The following ZNF264 variants were observed in gnomAD, a reference collection of about 807,000 sequenced individuals.
ZNF264 encodes the protein zinc finger protein 264.
Under a neutral mutation model 11.2 loss-of-function variants are expected in ZNF264, and 11 were observed. The ratio of observed to expected loss-of-function variants is 0.98; its 90% confidence interval spans 0.62 to 1.63. The LOEUF (loss-of-function observed/expected upper bound fraction) is 1.63, where lower values mean the gene tolerates loss of function less well. ZNF264 is among the 40% of genes most tolerant of loss of function. The probability of loss-of-function intolerance (pLI) is 0.00; values close to 1 mark genes in which losing one functional copy is unlikely to be tolerated. For missense variants in ZNF264, 752 were observed against 768.1 expected, an observed-to-expected ratio of 0.98 and a Z score of 0.25; for synonymous variants, 309 against 279.8, an observed-to-expected ratio of 1.10 and a Z score of -1.04.
chr19:57,200,556 G>GTGTCT (rs71898528), intron 2 of ZNF264, among the ~76,000 whole-genome samples: 3,244 of 147,396 alleles, frequency 0.022, 70 homozygotes, highest in East Asian at 0.039. Context: ...CTTGTGTCTT[G>GTGTCT]TGTCTTGTCT....
At chr19:57,199,084 C>T (rs2122740823) in intron 2 of ZNF264, among the ~76,000 whole-genome samples, 1 of 152,110 alleles carries the variant, frequency 6.6e-6, no homozygotes, top group South Asian at 2.1e-4. Flanking sequence ...CAGAGATCTA[C>T]ATGAGTCAGA....
At chr19:57,192,256 G>A (rs952827724) in intron 1 of ZNF264, 2 of 823,990 alleles carry the variant, frequency 2.4e-6, no homozygotes, top group African/African-American at 1.9e-5. Context: ...GGAAGGGGAG[G>A]GCAGGGCAGT....
chr19:57,219,549 ACTTC>A lies in ZNF264; in HGVS notation c.*6572_*6575del, dbSNP rs909752095. 5 of 152,098 alleles carry A rather than the reference ACTTC, an allele frequency of 3.3e-5. No homozygotes were observed. The highest frequency in any genetic ancestry group is 1.2e-4 in the African/African-American group (5 of 41,378). The allele number at this position is 152,098 out of a possible 1,614,324, so 9.4% of individuals were successfully genotyped here. ...GAGGGCTTCCATCATTTGTCCTCTT[ACTTC>A]CTTGTTAGAACTTTGTGCTGCTGAC... On this transcript the variant is annotated 3_prime_UTR_variant, in exon 4 of 4. Coordinates refer to ENST00000263095, the MANE Select transcript of ZNF264 (RefSeq NM_003417.5).
intron 2 of ZNF264, among the ~76,000 whole-genome samples, chr19:57,196,474 G>C (rs1599945475): frequency 6.6e-6 from 1 of 151,964 alleles, no homozygotes; most frequent in African/African-American, 2.4e-5. Flanking sequence ...TGAGGGCTCA[G>C]TGTTGGTCTC....
rs2087348255 is a variant in ZNF264, at chr19:57,212,569, C to T, written c.1472C>T (p.Ala491Val). ...TATGAGTGCGTGGAGTGTGGAAAGG[C>T]CTTCACCCGCATGTCGGGCCTCACG... is the stretch of plus-strand genomic sequence containing the variant. The part of the protein sequence containing the change: ...KPYECVECGK[A>V]FTRMSGLTRH... Residue 491 changes from alanine (A) to valine (V), a missense_variant, in exon 4 of 4, where the codon GCC becomes GTC. By Grantham distance (64) the Ala-to-Val change is moderately conservative (BLOSUM62 0). Transcript: ENST00000263095. The T allele has an allele frequency of 3.7e-6, 6 of 1,614,078 alleles. No individual in the cohort carries two copies. Among genetic ancestry groups the T allele is most frequent in the African/African-American group, 1.3e-5 (1 of 74,936 alleles).
intron 2 of ZNF264, among the ~76,000 whole-genome samples, chr19:57,204,070 C>A (rs894865194): frequency 6.6e-6 from 1 of 152,058 alleles, no homozygotes; most frequent in South Asian, 2.1e-4. Context: ...GCCTGTAGTC[C>A]CAGCTCCTCG....
At chr19:57,210,040 T>C (rs922851662) in intron 3 of ZNF264, among the ~76,000 whole-genome samples, 2 of 152,164 alleles carry the variant, frequency 1.3e-5, no homozygotes, top group African/African-American at 4.8e-5. Flanking sequence ...TCAATTGATA[T>C]AACATCAGTC....
In ZNF264 at chr19:57,212,844, G is replaced by A. The variant is rs1432433909; in HGVS notation, c.1747G>A (p.Val583Ile). 4 of 1,614,192 alleles carry A rather than the reference G, an allele frequency of 2.5e-6. No individual in the cohort carries two copies. Among genetic ancestry groups the A allele is most frequent in the Non-Finnish European group, 8.5e-7 (1 of 1,180,036 alleles). Residue 583 changes from valine (V) to isoleucine (I), a missense_variant, in exon 4 of 4, where the codon GTT becomes ATT. By Grantham distance (29) the Val-to-Ile change is conservative. Transcript: ENST00000263095. Reference sequence around the variant, plus strand: ...ACCTTTTACAAGTGGACAAACCTCAGTTACCCTTCGAGAACTTCTTTTAGG... The same window carrying A: ...ACCTTTTACAAGTGGACAAACCTCAATTACCCTTCGAGAACTTCTTTTAGG... The part of the protein sequence containing the change: ...GRPFTSGQTS[V>I]TLRELLLGKD...
chr19:57,208,260 G>T lies in ZNF264; in HGVS notation c.256+2768G>T, dbSNP rs149795494. Among the ~76,000 whole-genome samples, 1,453 of 152,244 alleles carry T rather than the reference G, an allele frequency of 9.5e-3. 26 individuals are homozygous for T. The highest frequency in any genetic ancestry group is 0.033 in the African/African-American group (1,357 of 41,544). The stretch of plus-strand genomic sequence containing the variant: ...TACTATGTGGGCATTTAATTGTCTA[G>T]ATTTGGCTGGCACAGTGGCTCACAC... On this transcript the variant is annotated intron_variant, in intron 3 of 3. Transcript: ENST00000263095.
rs186478536 is a variant in ZNF264 at position 57,200,892 on chromosome 19, G to C, written c.161-4505G>C. Among the ~76,000 whole-genome samples, 565 of 151,952 alleles carry C rather than the reference G, an allele frequency of 3.7e-3. 19 individuals are homozygous for C. Among genetic ancestry groups the C allele is most frequent in the African/African-American group, 0.013 (527 of 41,304 alleles). ...CTCCCAAAGTGCTGGGATTACAGGC[G>C]TGAGCCACCACACCCACCCTTTACT... On this transcript the variant is annotated intron_variant, in intron 2 of 3. Transcript: ENST00000263095.
At chr19:57,194,947 A>G (rs1364756376) in intron 2 of ZNF264, 7 of 392,918 alleles carry the variant, frequency 1.8e-5, no homozygotes, top group South Asian at 1.4e-4. Flanking sequence ...GAGAAATGAA[A>G]TGATGTTTTT....
intron 1 of ZNF264, chr19:57,192,286 G>T: frequency 1.0e-6 from 1 of 966,134 alleles, no homozygotes; most frequent in Non-Finnish European, 1.2e-6. Context: ...ACAAATGCGC[G>T]AGCAGAGACA....
At position 57,213,057 on chromosome 19, in the gene ZNF264, T is replaced by C; in HGVS notation, c.*76T>C. The C allele has an allele frequency of 1.4e-6, 2 of 1,401,280 alleles. No individual in the cohort carries two copies. The highest frequency in any genetic ancestry group is 1.9e-6 in the Non-Finnish European group (2 of 1,036,030). 86.8% of individuals were successfully genotyped at this position (1,401,280 alleles called of 1,614,324 possible). A position where few individuals can be genotyped will look rare whatever the true frequency, so the allele number is the denominator to read the frequency against. ...AAATTCGTTCAGTCTAGAGCCTTAT[T>C]CTCCATCTGATAATTTATCCTGGAG... On this transcript the variant is annotated 3_prime_UTR_variant, in exon 4 of 4. Transcript: ENST00000263095.
intron 3 of ZNF264, among the ~76,000 whole-genome samples, chr19:57,205,756 A>G (rs1377638287): frequency 1.3e-5 from 2 of 152,224 alleles, no homozygotes; most frequent in South Asian, 4.1e-4. Context: ...AGGGGTTCCA[A>G]CTGTGTGGGC....
rs1302273367 is a variant in ZNF264 at position 57,221,418 on chromosome 19, A to C, written c.*8437A>C. 6.6e-6 allele frequency: 1 copy of C among 152,202 alleles called. No individual in the cohort carries two copies. The highest frequency in any genetic ancestry group is 1.5e-5 in the Non-Finnish European group (1 of 68,038). 9.4% of individuals were successfully genotyped at this position (152,202 alleles called of 1,614,324 possible). On this transcript the variant is annotated 3_prime_UTR_variant, in exon 4 of 4. Transcript: ENST00000263095. The stretch of plus-strand genomic sequence containing the variant: ...TATGAATGACTGTCTTGGGATCCTC[A>C]AGAACACCCCCAGGTTTGACGATTT...
rs1274066141 is a variant in ZNF264 at position 57,214,783 on chromosome 19, C to G, written c.*1802C>G. 6.6e-6 allele frequency: 1 copy of G among 152,192 alleles called. No homozygotes were observed. Among genetic ancestry groups the G allele is most frequent in the Non-Finnish European group, 1.5e-5 (1 of 68,044 alleles). 9.4% of individuals were successfully genotyped at this position (152,192 alleles called of 1,614,324 possible). On this transcript the variant is annotated 3_prime_UTR_variant, in exon 4 of 4. Coordinates refer to ENST00000263095, the MANE Select transcript of ZNF264 (RefSeq NM_003417.5). The stretch of plus-strand genomic sequence containing the variant: ...CTATGAATAAGTGTGGAATTTTGTT[C>G]AGTACTTTTTCTCCACCAGTTGATG...
chr19:57,203,548 C>T (rs971297641), intron 2 of ZNF264, among the ~76,000 whole-genome samples: 1 of 151,820 alleles, frequency 6.6e-6, no homozygotes, highest in African/African-American at 2.4e-5. Context: ...TTTTGTTGTT[C>T]TTGTTGTTGT....
Position 57,218,174 on chromosome 19 carries a change from G to C in ZNF264, c.*5193G>C, listed in dbSNP as rs1332347767. ...TCTTCTAGAGTAACAAATGTTCTTT[G>C]TTTTCCTTCCTCTAAAGATGTCTTT... On this transcript the variant is annotated 3_prime_UTR_variant, in exon 4 of 4. Coordinates refer to ENST00000263095, the MANE Select transcript of ZNF264 (RefSeq NM_003417.5). The C allele has an allele frequency of 6.6e-6, 1 of 151,962 alleles. No individual in the cohort carries two copies. Among genetic ancestry groups the C allele is most frequent in the African/African-American group, 2.4e-5 (1 of 41,364 alleles). The allele number at this position is 151,962 out of a possible 1,614,324, so 9.4% of individuals were successfully genotyped here.
rs141765670 is a variant in ZNF264, at chr19:57,211,438, C to G, written c.341C>G (p.Thr114Arg). ...GGAATCTCACTTCAGGGACAAGTGA[C>G]ACAAGGAAACTCAGTGGACTCACAG... The part of the protein sequence containing the change: ...SEGISLQGQV[T>R]QGNSVDSQLG... Residue 114 changes from threonine to arginine, a missense_variant, in exon 4 of 4, where the codon ACA (threonine) becomes AGA (arginine). Coordinates refer to ENST00000263095, the MANE Select transcript of ZNF264 (RefSeq NM_003417.5). The G allele has an allele frequency of 6.2e-7, 1 of 1,613,990 alleles. No individual in the cohort carries two copies. Among genetic ancestry groups the G allele is most frequent in the African/African-American group, 1.3e-5 (1 of 74,892 alleles).
Sources: allele counts gnomAD v4.1 joint callset (sites outside exome capture counted in the v4.1 genomes callset), GRCh38; gene constraint gnomAD v4.1.1; transcripts MANE v1.5; gene names NCBI Gene and HGNC (gene_info 2026-07-23, HGNC 2026-07-21).